DOK5: variants seen among roughly 807,000 people sequenced by gnomAD.
DOK5 encodes docking protein 5.
DOK5 carries 27 observed loss-of-function variants against 43.3 expected under a neutral mutation model. The observed-to-expected ratio is 0.62, with a 90% confidence interval of 0.46 to 0.86. The LOEUF is 0.86. Ranked by LOEUF, DOK5 falls within the 40% of genes least tolerant of loss-of-function variation. DOK5 has a pLI of 0.00. For synonymous variants in DOK5, 146 were observed against 140.1 expected, an observed-to-expected ratio of 1.04 and a Z score of -0.30; for missense variants, 373 against 392.9, an observed-to-expected ratio of 0.95 and a Z score of 0.43.
intron 5 of DOK5, among the ~76,000 whole-genome samples, chr20:54,593,062 G>C (rs1358003610): frequency 6.6e-6 from 1 of 152,044 alleles, no homozygotes; most frequent in Non-Finnish European, 1.5e-5. Context: ...TAACAGTAGT[G>C]GTCCCCTCTA....
At chr20:54,643,120 T>C (rs1162106271) in intron 6 of DOK5, among the ~76,000 whole-genome samples, 3 of 152,208 alleles carry the variant, frequency 2.0e-5, no homozygotes, top group African/African-American at 7.2e-5. Context: ...AATGTCTCAG[T>C]AAATTATTTC....
At chr20:54,605,640 G>T (rs1986447630) in intron 5 of DOK5, among the ~76,000 whole-genome samples, 1 of 152,228 alleles carries the variant, frequency 6.6e-6, no homozygotes, top group Admixed American at 6.5e-5. Context: ...CTCAGTGTCA[G>T]TAAAAGTTGC....
At chr20:54,625,499 C>G (rs996770617) in intron 6 of DOK5, among the ~76,000 whole-genome samples, 31 of 152,304 alleles carry the variant, frequency 2.0e-4, no homozygotes, top group African/African-American at 6.5e-4. Flanking sequence ...GTATAATACT[C>G]TCAGTACTTT....
intron 2 of DOK5, among the ~76,000 whole-genome samples, chr20:54,569,076 C>G (rs1600707841): frequency 6.6e-6 from 1 of 150,694 alleles, no homozygotes; most frequent in Admixed American, 6.6e-5. Flanking sequence ...TTTTCAAACT[C>G]TTTACTCTGT....
chr20:54,584,551 T>A (rs1985739774), intron 2 of DOK5, among the ~76,000 whole-genome samples: 1 of 151,426 alleles, frequency 6.6e-6, no homozygotes, highest in African/African-American at 2.4e-5. Context: ...ATCTTTTTAC[T>A]TCTATATCAA....
intron 2 of DOK5, among the ~76,000 whole-genome samples, chr20:54,576,842 TGAC>T (rs1304548956): frequency 6.6e-6 from 1 of 152,262 alleles, no homozygotes; most frequent in Non-Finnish European, 1.5e-5. Flanking sequence ...TCTTTTGAAT[TGAC>T]AAGTACTTTA....
At chr20:54,570,677 A>G (rs6023366) in intron 2 of DOK5, among the ~76,000 whole-genome samples, 7,134 of 152,230 alleles carry the variant, frequency 0.047, 572 homozygotes, top group African/African-American at 0.16. Flanking sequence ...ACTTTGCAGC[A>G]TGTCAGAAAC....
intron 1 of DOK5, among the ~76,000 whole-genome samples, chr20:54,484,335 C>T (rs1030282152): frequency 1.3e-4 from 20 of 151,406 alleles, no homozygotes; most frequent in Admixed American, 2.6e-4. Flanking sequence ...GCCGAGATTG[C>T]GCCACTGCAC....
intron 1 of DOK5, among the ~76,000 whole-genome samples, chr20:54,507,511 G>A (rs73276915): frequency 0.015 from 2,293 of 152,166 alleles, 49 homozygotes; most frequent in African/African-American, 0.052. Flanking sequence ...TCAAAAATCC[G>A]GTATTTTACG....
At position 54,631,159 on chromosome 20, in the gene DOK5, C is replaced by T. The variant is rs547879971; in HGVS notation, c.736-12299C>T. Among the ~76,000 whole-genome samples, 14 of 152,254 alleles carry T rather than the reference C, an allele frequency of 9.2e-5. 1 individual carries two copies. Among genetic ancestry groups the T allele is most frequent in the African/African-American group, 2.4e-4 (10 of 41,540 alleles). On this transcript the variant is annotated intron_variant, in intron 6 of 7. Transcript: ENST00000262593. ...GACAAAAGAAAATGGCATGAGAATA[C>T]GTACGCTATCCAATTTGTGTTAAAT...
intron 1 of DOK5, among the ~76,000 whole-genome samples, chr20:54,553,333 C>A (rs1984594049): frequency 6.6e-6 from 1 of 151,996 alleles, no homozygotes; most frequent in Non-Finnish European, 1.5e-5. Context: ...GTAGCTGGGA[C>A]GGCAGGTGCC....
At chr20:54,596,255 C>T (rs1293113393) in intron 5 of DOK5, among the ~76,000 whole-genome samples, 1 of 152,186 alleles carries the variant, frequency 6.6e-6, no homozygotes, top group Non-Finnish European at 1.5e-5. Flanking sequence ...TGTGTTGAAA[C>T]AAAGCAGTTT....
At chr20:54,502,830 T>G (rs1230789161) in intron 1 of DOK5, among the ~76,000 whole-genome samples, 1 of 152,206 alleles carries the variant, frequency 6.6e-6, no homozygotes, top group Non-Finnish European at 1.5e-5. Flanking sequence ...TAATTTTGAA[T>G]TCTTGTTGAT....
chr20:54,481,017 T>TATC lies in DOK5; in HGVS notation c.66+5006_66+5008dup, dbSNP rs199832899. The stretch of plus-strand genomic sequence containing the variant: ...ATCTATCTATCATCTATCATCTATC[T>TATC]ATCTATCATCTATCTATCATCTATC... On this transcript the variant is annotated intron_variant, in intron 1 of 7. Coordinates refer to ENST00000262593, the MANE Select transcript of DOK5 (RefSeq NM_018431.5). Among the ~76,000 whole-genome samples the TATC allele has an allele frequency of 4.6e-3, 398 of 86,196 alleles. 18 individuals are homozygous for TATC. The highest frequency in any genetic ancestry group is 0.021 in the African/African-American group (374 of 17,416). 56.5% of individuals were successfully genotyped at this position (86,196 alleles called of 152,430 possible). A position where few individuals can be genotyped will look rare whatever the true frequency, so the allele number is the denominator to read the frequency against.
intron 5 of DOK5, among the ~76,000 whole-genome samples, chr20:54,608,108 C>T (rs747669127): frequency 3.9e-5 from 6 of 152,126 alleles, no homozygotes; most frequent in Middle Eastern, 3.4e-3. Flanking sequence ...TTTCCTACGG[C>T]GGGTTGCAGT....
At position 54,518,136 on chromosome 20, in the gene DOK5, T is replaced by C. The variant is rs146147221; in HGVS notation, c.67-36797T>C. ...AATCCCTATTTTCTTTTTTCTTTTT[T>C]ATTATACTTTAAGTTTTAGGGTACA... On this transcript the variant is annotated intron_variant, in intron 1 of 7. Transcript: ENST00000262593. 9.5e-3 allele frequency among the ~76,000 whole-genome samples: 1,442 copies of C among 152,274 alleles called. 13 individuals are homozygous for C. Among genetic ancestry groups the C allele is most frequent in the Middle Eastern group, 0.02 (6 of 294 alleles).
intron 1 of DOK5, 144 bp from the exon 2 acceptor site, chr20:54,554,789 G>A (rs1834746341): frequency 3.4e-6 from 2 of 595,006 alleles, no homozygotes; most frequent in Admixed American, 5.9e-5. Context: ...AAACAATTTT[G>A]ATTTTTAAAA....
chr20:54,606,797 T>C (rs1986483550), intron 5 of DOK5, among the ~76,000 whole-genome samples: 1 of 152,204 alleles, frequency 6.6e-6, no homozygotes, highest in South Asian at 2.1e-4. Flanking sequence ...TTTGTGGTCA[T>C]TAGCATCTTC....
At chr20:54,536,641 G>T (rs1334864486) in intron 1 of DOK5, among the ~76,000 whole-genome samples, 1 of 152,144 alleles carries the variant, frequency 6.6e-6, no homozygotes, top group Non-Finnish European at 1.5e-5. Flanking sequence ...GCAAAAGCCT[G>T]CTCTCCCTGG....
Sources: allele counts gnomAD v4.1 joint callset (sites outside exome capture counted in the v4.1 genomes callset), GRCh38; gene constraint gnomAD v4.1.1; transcripts MANE v1.5; gene names NCBI Gene and HGNC (gene_info 2026-07-23, HGNC 2026-07-21).